The following FOLH1 variants were observed in gnomAD, a reference collection of about 807,000 sequenced individuals.
FOLH1 encodes the protein folate hydrolase 1, also known as glutamate carboxypeptidase 2.
FOLH1 carries 54 observed loss-of-function variants against 93.9 expected under a neutral mutation model. The ratio of observed to expected loss-of-function variants is 0.57; its 90% confidence interval spans 0.46 to 0.72. The LOEUF (loss-of-function observed/expected upper bound fraction) is 0.72, where lower values mean the gene tolerates loss of function less well. Ranked by LOEUF, FOLH1 falls within the 30% of genes least tolerant of loss-of-function variation. FOLH1 has a pLI of 0.00. For missense variants in FOLH1, 571 were observed against 892.5 expected (o/e 0.64, Z 4.59); for synonymous variants, 249 against 303.6 (o/e 0.82, Z 1.87).
At chr11:49,202,456 C>T (rs1252037968) in intron 2 of FOLH1, among the ~76,000 whole-genome samples, 1 of 151,704 alleles carries the variant, frequency 6.6e-6, no homozygotes, top group Non-Finnish European at 1.5e-5. Context: ...GGCTGGAATA[C>T]AGTGGTGCAA....
chr11:49,193,464 C>T (rs77531726), intron 3 of FOLH1, among the ~76,000 whole-genome samples: 11,631 of 151,948 alleles, frequency 0.077, 641 homozygotes, highest in South Asian at 0.23. Flanking sequence ...TAAAAAGTAC[C>T]TTTGTTTGGT....
intron 15 of FOLH1, among the ~76,000 whole-genome samples, chr11:49,155,963 G>A (rs1856990063): frequency 6.6e-6 from 1 of 151,474 alleles, no homozygotes; most frequent in Non-Finnish European, 1.5e-5. Flanking sequence ...TGTCATGGGA[G>A]AGACTTTATG....
intron 7 of FOLH1, among the ~76,000 whole-genome samples, chr11:49,176,909 T>C (rs2135122795): frequency 6.6e-6 from 1 of 152,236 alleles, no homozygotes; most frequent in East Asian, 1.9e-4. Context: ...ACTGAGATGT[T>C]TAGTTATGAA....
intron 3 of FOLH1, 79 bp downstream of exon 3, chr11:49,200,176 A>T: frequency 4.1e-6 from 5 of 1,215,716 alleles, no homozygotes; most frequent in Non-Finnish European, 5.6e-6. Flanking sequence ...GAGATGGGAT[A>T]GAACATTATT....
Position 49,156,311 on chromosome 11 carries a change from A to G in FOLH1, c.1623+406T>C, listed in dbSNP as rs187253485. Among the ~76,000 whole-genome samples the G allele has an allele frequency of 7.8e-3, 1,183 of 152,276 alleles. 18 individuals are homozygous for G. Among genetic ancestry groups the G allele is most frequent in the African/African-American group, 0.027 (1,133 of 41,568 alleles). ...TTGTTTAATAATTGGAGATACAGTA[A>G]GAGATGGAAATCCAAATACACTCAT... On this transcript the variant is annotated intron_variant, in intron 15 of 18. Coordinates refer to ENST00000256999, the MANE Select transcript of FOLH1 (RefSeq NM_004476.3).
chr11:49,182,452 AG>A (rs1400722563), intron 7 of FOLH1, among the ~76,000 whole-genome samples: 1 of 152,112 alleles, frequency 6.6e-6, no homozygotes, highest in African/African-American at 2.4e-5. Context: ...GAAAGCAGAA[AG>A]TTTCAATAAT....
At chr11:49,178,351 T>C (rs1860345931) in intron 7 of FOLH1, among the ~76,000 whole-genome samples, 1 of 152,186 alleles carries the variant, frequency 6.6e-6, no homozygotes, top group South Asian at 2.1e-4. Context: ...GGGGTGTAAA[T>C]GGATGAGAGG....
intron 17 of FOLH1, among the ~76,000 whole-genome samples, chr11:49,150,841 T>A (rs1296002036): frequency 1.3e-5 from 2 of 152,222 alleles, no homozygotes; most frequent in Admixed American, 1.3e-4. Flanking sequence ...GAAAAATCAT[T>A]ACAATAAGAA....
rs1856793390 is a variant in FOLH1, at chr11:49,154,470, T to C, written c.1646A>G (p.Tyr549Cys). 5.0e-6 allele frequency: 8 copies of C among 1,590,596 alleles called. No individual in the cohort carries two copies. Among genetic ancestry groups the C allele is most frequent in the East Asian group, 2.3e-5 (1 of 44,372 alleles). The change falls in exon 16 of 19, where the codon TAT (tyrosine) becomes TGT (cysteine). Residue 549 changes from tyrosine to cysteine, a missense_variant. Physicochemically the swap from Tyr to Cys is radical, Grantham distance 194 (BLOSUM62 -2). Coordinates refer to ENST00000256999, the MANE Select transcript of FOLH1 (RefSeq NM_004476.3). ...TTCATAGACACTGTGATACAGTGGA[T>C]AGCCGCTGAATTTGTTTGTTTCCTA... ...KNWETNKFSG[Y>C]PLYHSVYETY...
chr11:49,153,253 A>G (rs1856663222), intron 17 of FOLH1, among the ~76,000 whole-genome samples: 1 of 151,482 alleles, frequency 6.6e-6, no homozygotes, highest in African/African-American at 2.4e-5. Flanking sequence ...TTAATCCTAA[A>G]TGTTTAACAT....
At chr11:49,169,477 T>C (rs1858935803) in intron 11 of FOLH1, among the ~76,000 whole-genome samples, 2 of 152,186 alleles carry the variant, frequency 1.3e-5, no homozygotes, top group South Asian at 4.1e-4. Context: ...AAAGCTAATA[T>C]TTAAGATGAA....
intron 13 of FOLH1, among the ~76,000 whole-genome samples, chr11:49,163,266 A>C (rs1455679663): frequency 6.6e-6 from 1 of 152,058 alleles, no homozygotes; most frequent in Non-Finnish European, 1.5e-5. Context: ...TAGCCAGAGA[A>C]CACCAGTGGG....
intron 4 of FOLH1, among the ~76,000 whole-genome samples, chr11:49,191,042 G>A (rs1241935634): frequency 6.6e-6 from 1 of 152,200 alleles, no homozygotes; most frequent in South Asian, 2.1e-4. Flanking sequence ...GCCGGGTGCG[G>A]AGGCAGGCAG....
intron 2 of FOLH1, among the ~76,000 whole-genome samples, chr11:49,201,197 GT>G (rs36161929): frequency 0.18 from 27,165 of 149,916 alleles, 2,871 homozygotes; most frequent in African/African-American, 0.28. Flanking sequence ...GAGCTCATTG[GT>G]AAGTATTTTT....
intron 15 of FOLH1, among the ~76,000 whole-genome samples, chr11:49,154,962 G>A (rs1158641534): frequency 2.6e-5 from 4 of 151,974 alleles, no homozygotes; most frequent in Non-Finnish European, 5.9e-5. Context: ...ACTGAAGGCT[G>A]GAGAGTCTGA....
At chr11:49,189,543 T>A (rs916436056) in intron 4 of FOLH1, among the ~76,000 whole-genome samples, 1 of 152,226 alleles carries the variant, frequency 6.6e-6, no homozygotes, top group Non-Finnish European at 1.5e-5. Context: ...TAAGTCTTAC[T>A]AAACTCACCT....
At chr11:49,187,613 T>A (rs2135215228) in intron 4 of FOLH1, among the ~76,000 whole-genome samples, 1 of 152,310 alleles carries the variant, frequency 6.6e-6, no homozygotes, top group African/African-American at 2.4e-5. Context: ...TCTTTTTTTT[T>A]CTTGAACTTG....
At chr11:49,184,543 TCAG>T (rs1861154540) in intron 6 of FOLH1, among the ~76,000 whole-genome samples, 1 of 152,158 alleles carries the variant, frequency 6.6e-6, no homozygotes, top group South Asian at 2.1e-4. Flanking sequence ...CAAATGAAGT[TCAG>T]GTAGATTTAT....
At chr11:49,161,664 T>A (rs61886489) in intron 13 of FOLH1, among the ~76,000 whole-genome samples, 5,127 of 152,318 alleles carry the variant, frequency 0.034, 123 homozygotes, top group Non-Finnish European at 0.051. Flanking sequence ...TTTGATCCTG[T>A]CATCATGATG....
Sources: gnomAD v4.1 joint callset for allele counts (sites outside exome capture counted in the v4.1 genomes callset) on GRCh38, gnomAD v4.1.1 for gene constraint, MANE v1.5 for transcripts, NCBI Gene and HGNC (gene_info 2026-07-23, HGNC 2026-07-21) for gene names.